SLC27A2: variants seen among roughly 807,000 people sequenced by gnomAD.
SLC27A2 encodes the protein solute carrier family 27 member 2, also known as long-chain fatty acid transport protein 2.
Under a neutral mutation model 60.0 loss-of-function variants are expected in SLC27A2, and 54 were observed. That is an observed-to-expected ratio of 0.90 (90% confidence interval 0.72 to 1.13). The LOEUF is 1.13. Among genes scored for constraint, SLC27A2 ranks in the 50% most tolerant of loss-of-function variants. The pLI is 0.00. For synonymous variants in SLC27A2, 297 were observed against 297.6 expected (o/e 1.00, Z 0.02); for missense variants, 739 against 777.6 (o/e 0.95, Z 0.59).
At chr15:50,219,863 G>A (rs1312103764) in intron 4 of SLC27A2, among the ~76,000 whole-genome samples, 1 of 152,158 alleles carries the variant, frequency 6.6e-6, no homozygotes, top group Non-Finnish European at 1.5e-5. Flanking sequence ...TAGCTCTAAT[G>A]TGACGAAGAA....
chr15:50,196,114 ATATATATATATG>A (rs2045020841), intron 1 of SLC27A2, among the ~76,000 whole-genome samples: 1 of 97,468 alleles, frequency 1.0e-5, no homozygotes, highest in Non-Finnish European at 2.0e-5. Context: ...ATATATATAT[ATATATATATATG>A]TATGTACATT....
In SLC27A2 at chr15:50,227,064, A is replaced by G. The variant is rs777815725; in HGVS notation, c.1343A>G (p.Lys448Arg). 3 of 1,614,232 alleles carry G rather than the reference A, an allele frequency of 1.9e-6. No individual in the cohort carries two copies. Among genetic ancestry groups the G allele is most frequent in the Middle Eastern group, 1.6e-4 (1 of 6,062 alleles). The stretch of plus-strand genomic sequence containing the variant: ...GGAGCAAAGGCTCAGACAGAGAAGA[A>G]AAAACTGAGAGATGTCTTTAAGAAA... ...YAGAKAQTEK[K>R]KLRDVFKKGD... The change falls in exon 7 of 10, where the codon AAA (lysine) becomes AGA (arginine). Residue 448 changes from lysine to arginine, a missense_variant. Lys to Arg is a conservative substitution (Grantham distance 26). Transcript: ENST00000267842.
rs757863498 is a variant in SLC27A2 at position 50,235,952 on chromosome 15, C to T, written c.1719C>T (p.His573=). 7 of 1,613,398 alleles carry T rather than the reference C, an allele frequency of 4.3e-6. No individual in the cohort carries two copies. In the African/African-American group the frequency reaches 9.3e-5, roughly 22 times the overall value. The change falls in exon 10 of 10, where the codon CAC becomes CAT. Residue 573 remains histidine (H), a synonymous_variant. Transcript: ENST00000267842. Reference sequence around the variant, plus strand: ...TTGAGATCACTGGAACTTTTAAACACCGCAAAATGACCCTGGTGGAGGAGG... The same window carrying T: ...TTGAGATCACTGGAACTTTTAAACATCGCAAAATGACCCTGGTGGAGGAGG... The part of the protein sequence containing the change: ...DTIEITGTFK[H]RKMTLVEEGF...
chr15:50,221,274 A>G (rs2045240183), intron 4 of SLC27A2, among the ~76,000 whole-genome samples: 2 of 151,912 alleles, frequency 1.3e-5, no homozygotes, highest in Non-Finnish European at 2.9e-5. Context: ...AAGGCTTCTC[A>G]GGCAGCTCCC....
chr15:50,186,279 A>G (rs544877912), intron 1 of SLC27A2, among the ~76,000 whole-genome samples: 141 of 152,208 alleles, frequency 9.3e-4, no homozygotes, highest in Non-Finnish European at 5.9e-4. Flanking sequence ...ATCATCCCCA[A>G]AAATGCTGAT....
At chr15:50,192,836 T>C (rs2044985584) in intron 1 of SLC27A2, among the ~76,000 whole-genome samples, 1 of 151,482 alleles carries the variant, frequency 6.6e-6, no homozygotes, top group South Asian at 2.1e-4. Context: ...AAGTCCCTTT[T>C]GACCTACCAT....
rs1195523096 is a variant in SLC27A2, at chr15:50,182,725, G to T, written c.298G>T (p.Gly100Cys). The change falls in exon 1 of 10, where the codon GGC becomes TGC. Residue 100 changes from glycine (G) to cysteine (C), a missense_variant. Coordinates refer to ENST00000267842, the MANE Select transcript of SLC27A2 (RefSeq NM_003645.4). Reference protein sequence around the residue: ...QVARALHDHLGLRQGDCVALL... With the variant: ...QVARALHDHLCLRQGDCVALL... ...GGCCCGGGCGCTGCACGACCACCTC[G>T]GCCTGCGCCAGGGAGACTGCGTGGC... is the stretch of plus-strand genomic sequence containing the variant. The T allele has an allele frequency of 1.9e-6, 3 of 1,613,866 alleles. No homozygotes were observed. The highest frequency in any genetic ancestry group is 2.5e-6 in the Non-Finnish European group (3 of 1,179,944).
chr15:50,223,207 C>A (rs1455984383), intron 5 of SLC27A2, 48 bp downstream of exon 5: 1 of 1,409,942 alleles, frequency 7.1e-7, no homozygotes, highest in South Asian at 1.3e-5. Context: ...TTTCAGAATA[C>A]AGAGACTTCT....
chr15:50,185,351 A>G (rs956174033), intron 1 of SLC27A2, among the ~76,000 whole-genome samples: 3 of 152,266 alleles, frequency 2.0e-5, no homozygotes, highest in African/African-American at 4.8e-5. Context: ...GGGAGGCCAC[A>G]TATTTGAAAA....
chr15:50,209,475 A>T (rs2045138156), intron 4 of SLC27A2, among the ~76,000 whole-genome samples: 1 of 152,150 alleles, frequency 6.6e-6, no homozygotes, highest in African/African-American at 2.4e-5. Context: ...GGCTAGCAGG[A>T]AAATCACGTG....
Position 50,206,148 on chromosome 15 carries a change from G to A in SLC27A2, c.972+785G>A, listed in dbSNP as rs188654920. 8.5e-5 allele frequency among the ~76,000 whole-genome samples: 13 copies of A among 152,112 alleles called. No homozygotes were observed. In the East Asian group the frequency reaches 1.9e-3, roughly 23 times the overall value. On this transcript the variant is annotated intron_variant, in intron 4 of 9. Transcript: ENST00000267842. ...TTGGGCTTTTAATTCTTTGCCGCGC[G>A]GACTTATTCTGTGCATTGTAGAGTG...
chr15:50,219,881 T>C (rs1367461164), intron 4 of SLC27A2, among the ~76,000 whole-genome samples: 1 of 152,208 alleles, frequency 6.6e-6, no homozygotes, highest in Non-Finnish European at 1.5e-5. Context: ...GAAGGTTTTT[T>C]TCTTGTTTAA....
chr15:50,228,891 CA>C, intron 7 of SLC27A2, 53 bp from the exon 8 acceptor site: 1 of 1,234,728 alleles, frequency 8.1e-7, no homozygotes. Context: ...TCCGACATTG[CA>C]ACCTGGGCCA....
intron 4 of SLC27A2, among the ~76,000 whole-genome samples, chr15:50,219,590 G>A (rs1254523612): frequency 2.6e-5 from 4 of 152,030 alleles, no homozygotes; most frequent in East Asian, 1.9e-4. Flanking sequence ...TGGAGCAACC[G>A]TTTTGCTACC....
chr15:50,207,196 T>C (rs539988946), intron 4 of SLC27A2, among the ~76,000 whole-genome samples: 2 of 152,270 alleles, frequency 1.3e-5, no homozygotes, highest in African/African-American at 4.8e-5. Flanking sequence ...TGTTTGTGTG[T>C]AGCTGTCTTC....
intron 6 of SLC27A2, among the ~76,000 whole-genome samples, chr15:50,226,345 A>G (rs189456555): frequency 6.6e-6 from 1 of 152,324 alleles, no homozygotes; most frequent in East Asian, 1.9e-4. Flanking sequence ...TGGTTGCAAA[A>G]CTATAGTTTT....
At chr15:50,184,430 A>G (rs538094549) in intron 1 of SLC27A2, among the ~76,000 whole-genome samples, 1 of 152,316 alleles carries the variant, frequency 6.6e-6, no homozygotes, top group African/African-American at 2.4e-5. Flanking sequence ...TTACAGAAAG[A>G]TGAAAGGTTA....
chr15:50,215,762 G>A (rs577988960), intron 4 of SLC27A2, among the ~76,000 whole-genome samples: 1 of 152,122 alleles, frequency 6.6e-6, no homozygotes, highest in South Asian at 2.1e-4. Context: ...GCCAAGCCAT[G>A]TGTAGAATAA....
rs1360714791 is a variant in SLC27A2, at chr15:50,202,505, T to C, written c.707T>C (p.Met236Thr). The C allele has an allele frequency of 3.1e-6, 5 of 1,614,206 alleles. No individual in the cohort carries two copies. The highest frequency in any genetic ancestry group is 4.2e-6 in the Non-Finnish European group (5 of 1,180,026). Residue 236 changes from methionine to threonine, a missense_variant, in exon 3 of 10, where the codon ATG becomes ACG. Physicochemically the swap from Met to Thr is moderately conservative, Grantham distance 81. Transcript: ENST00000267842. Reference sequence around the variant, plus strand: ...TACAAAGGTCTTCCAAAAGCAGCCATGATCACTCATCAGCGCATATGGTAT... The same window carrying C: ...TACAAAGGTCTTCCAAAAGCAGCCACGATCACTCATCAGCGCATATGGTAT... ...SGTTGLPKAA[M>T]ITHQRIWYGT...
Sources: allele counts gnomAD v4.1 joint callset (sites outside exome capture counted in the v4.1 genomes callset), GRCh38; gene constraint gnomAD v4.1.1; transcripts MANE v1.5; gene names NCBI Gene and HGNC (gene_info 2026-07-23, HGNC 2026-07-21).